The following MAPK10 variants were observed in gnomAD, a reference collection of about 807,000 sequenced individuals.
MAPK10 encodes the protein JNK3 alpha protein kinase.
Under a neutral mutation model 59.3 loss-of-function variants are expected in MAPK10, and 25 were observed. That is an observed-to-expected ratio of 0.42 (90% CI 0.31 to 0.59). The LOEUF is 0.59. MAPK10 is among the 20% of genes least tolerant of loss of function. The pLI is 0.15. For missense variants in MAPK10, 351 were observed against 568.9 expected (o/e 0.62, Z 3.90); for synonymous variants, 190 against 200.5 (o/e 0.95, Z 0.44).
intron 1 of MAPK10, among the ~76,000 whole-genome samples, chr4:86,407,992 T>G (rs1180166932): frequency 6.6e-6 from 1 of 152,062 alleles, no homozygotes; most frequent in Admixed American, 6.6e-5. Context: ...CCATGTTGGT[T>G]TGCTGCACCC....
At chr4:86,485,325 A>G (rs897118765) in intron 1 of MAPK10, among the ~76,000 whole-genome samples, 2 of 152,134 alleles carry the variant, frequency 1.3e-5, no homozygotes, top group Non-Finnish European at 2.9e-5. Flanking sequence ...TACATGTTTA[A>G]AATTTTTTAA....
chr4:86,084,336 A>G (rs2051303334), intron 9 of MAPK10, among the ~76,000 whole-genome samples: 1 of 152,236 alleles, frequency 6.6e-6, no homozygotes, highest in Non-Finnish European at 1.5e-5. Context: ...TGCAGATGAT[A>G]TGATGTTATG....
At chr4:86,137,180 C>T (rs1226829581) in intron 4 of MAPK10, among the ~76,000 whole-genome samples, 4 of 151,618 alleles carry the variant, frequency 2.6e-5, no homozygotes, top group Non-Finnish European at 4.4e-5. Context: ...CTGCACCAAG[C>T]GGACCTAATA....
At chr4:86,455,561 G>A (rs1401927409), upstream of MAPK10, among the ~76,000 whole-genome samples, 1 of 152,090 alleles carries the variant, frequency 6.6e-6, no homozygotes, top group Non-Finnish European at 1.5e-5. Flanking sequence ...AAGACAAAGA[G>A]GGTCATTATA....
intron 2 of MAPK10, among the ~76,000 whole-genome samples, chr4:86,202,336 T>C (rs531128441): frequency 2.0e-5 from 3 of 152,004 alleles, no homozygotes; most frequent in South Asian, 4.1e-4. Context: ...TTACTTTTGT[T>C]ATGAATATCG....
At chr4:86,392,828 T>C (rs1395426515) in intron 1 of MAPK10, among the ~76,000 whole-genome samples, 6 of 152,176 alleles carry the variant, frequency 3.9e-5, no homozygotes, top group Non-Finnish European at 8.8e-5. Context: ...GGAGACTGCG[T>C]AGGAGTACAG....
At chr4:86,281,564 G>T (rs890770831) in intron 2 of MAPK10, among the ~76,000 whole-genome samples, 2 of 151,668 alleles carry the variant, frequency 1.3e-5, no homozygotes, top group African/African-American at 4.8e-5. Flanking sequence ...TCTTAGAAGA[G>T]CAGTGTCCTT....
intron 2 of MAPK10, among the ~76,000 whole-genome samples, chr4:86,242,784 G>C (rs1243266258): frequency 6.6e-6 from 1 of 152,174 alleles, no homozygotes; most frequent in Non-Finnish European, 1.5e-5. Flanking sequence ...AGGCAGTTTC[G>C]AGTCCCAGTG....
chr4:86,263,919 A>G (rs2094121820), intron 2 of MAPK10, among the ~76,000 whole-genome samples: 1 of 152,220 alleles, frequency 6.6e-6, no homozygotes, highest in Non-Finnish European at 1.5e-5. Context: ...AGGTCCATTC[A>G]GCTAAATAGA....
intron 1 of MAPK10, among the ~76,000 whole-genome samples, chr4:86,417,328 T>C (rs1397468398): frequency 6.6e-6 from 1 of 152,226 alleles, no homozygotes; most frequent in Non-Finnish European, 1.5e-5. Context: ...TTTTTATTGA[T>C]ATTGTTTATT....
intron 4 of MAPK10, chr4:86,125,310 T>C (rs1318746338): frequency 6.6e-6 from 1 of 151,928 alleles, no homozygotes; most frequent in African/African-American, 2.4e-5. Context: ...TTAATATACA[T>C]GAGATGTACC....
At chr4:86,186,463 C>T (rs1434085806) in intron 3 of MAPK10, among the ~76,000 whole-genome samples, 1 of 152,120 alleles carries the variant, frequency 6.6e-6, no homozygotes, top group African/African-American at 2.4e-5. Context: ...ACAGTAGTTA[C>T]AGAAAGCATA....
rs550566453 is a variant in MAPK10 at position 86,400,348 on chromosome 4, C to T, written c.-121-45704G>A. 1.4e-4 allele frequency among the ~76,000 whole-genome samples: 22 copies of T among 152,160 alleles called. No homozygotes were observed. The South Asian group carries it at 3.9e-3, about 27-fold the overall frequency. On this transcript the variant is annotated intron_variant, in intron 1 of 13. Transcript: ENST00000361569. ...ATAAAGTGTCGTATTACAAGGAAGCCAACATCTTTCAAACCCTGAGAACAT... is the reference window on the plus strand; with the variant it reads ...ATAAAGTGTCGTATTACAAGGAAGCTAACATCTTTCAAACCCTGAGAACAT...
intron 1 of MAPK10, among the ~76,000 whole-genome samples, chr4:86,555,704 A>AATAAAT (rs1760212256): frequency 6.6e-6 from 1 of 152,162 alleles, no homozygotes; most frequent in African/African-American, 2.4e-5. Flanking sequence ...TGGTTATTTA[A>AATAAAT]ATAAATATAA....
intron 2 of MAPK10, among the ~76,000 whole-genome samples, chr4:86,351,448 A>C (rs1408184814): frequency 6.6e-6 from 1 of 151,570 alleles, no homozygotes; most frequent in Non-Finnish European, 1.5e-5. Flanking sequence ...CAAATATTGA[A>C]TCTACCTAGC....
intron 2 of MAPK10, among the ~76,000 whole-genome samples, chr4:86,255,829 ATC>A (rs1468210781): frequency 6.6e-6 from 1 of 152,182 alleles, no homozygotes; most frequent in Non-Finnish European, 1.5e-5. Flanking sequence ...CATCTTAGAT[ATC>A]TGTTTGTCTT....
Position 86,486,084 on chromosome 4 carries a change from TA to T in MAPK10, c.-263+107825del, listed in dbSNP as rs201373489. The stretch of plus-strand genomic sequence containing the variant: ...GATGATGTAGGAGAGGGGAAAACCC[TA>T]AAACTGAATAGACACAGTCACAAAT... On this transcript the variant is annotated intron_variant, in intron 1 of 4. Coordinates refer to the MAPK10 transcript ENST00000502302. Among the ~76,000 whole-genome samples, 900 of 152,300 alleles carry T rather than the reference TA, an allele frequency of 5.9e-3. 6 individuals carry two copies. Among genetic ancestry groups the T allele is most frequent in the African/African-American group, 0.019 (804 of 41,550 alleles).
intron 1 of MAPK10, among the ~76,000 whole-genome samples, chr4:86,365,820 T>C (rs1204923928): frequency 1.3e-5 from 2 of 152,190 alleles, no homozygotes; most frequent in Admixed American, 6.5e-5. Context: ...GAAGTCTGAC[T>C]TGAATTTTGA....
intron 2 of MAPK10, among the ~76,000 whole-genome samples, chr4:86,315,207 TG>T (rs2095756106): frequency 6.6e-6 from 1 of 151,712 alleles, no homozygotes; most frequent in East Asian, 1.9e-4. Context: ...ATTGAACTCA[TG>T]GAGATAAGAG....
Sources: gnomAD v4.1 joint callset for allele counts (sites outside exome capture counted in the v4.1 genomes callset) on GRCh38, gnomAD v4.1.1 for gene constraint, MANE v1.5 for transcripts, NCBI Gene and HGNC (gene_info 2026-07-23, HGNC 2026-07-21) for gene names.